The following CCDC7 variants were observed in gnomAD, a reference collection of about 807,000 sequenced individuals.
The protein encoded by CCDC7 is coiled-coil domain-containing protein 7.
A neutral mutation model predicts 196.9 loss-of-function variants in CCDC7; 183 were observed. That is an observed-to-expected ratio of 0.93 (90% CI 0.82 to 1.05). The LOEUF (loss-of-function observed/expected upper bound fraction) is 1.05, where lower values mean the gene tolerates loss of function less well. Ranked by LOEUF, CCDC7 falls within the 50% of genes least tolerant of loss-of-function variation. The pLI, the probability that CCDC7 is intolerant of heterozygous loss-of-function variation, is 0.00. For missense variants in CCDC7, 1,540 were observed against 1,482.2 expected, an observed-to-expected ratio of 1.04 and a Z score of -0.64; for synonymous variants, 525 against 484.6, an observed-to-expected ratio of 1.08 and a Z score of -1.10.
chr10:32,527,457 A>G (rs1311715525), intron 11 of CCDC7, among the ~76,000 whole-genome samples: 1 of 152,200 alleles, frequency 6.6e-6, no homozygotes, highest in African/African-American at 2.4e-5. Context: ...GTTCCAACAG[A>G]GGGGACGAAC....
intron 18 of CCDC7, among the ~76,000 whole-genome samples, chr10:32,616,967 ATACT>A (rs796654066): frequency 3.1e-5 from 4 of 131,094 alleles, no homozygotes; most frequent in Admixed American, 7.4e-5. Context: ...TATTGATTTG[ATACT>A]TATTATTGGT....
intron 18 of CCDC7, among the ~76,000 whole-genome samples, chr10:32,593,386 G>A (rs2059979222): frequency 6.6e-6 from 1 of 152,066 alleles, no homozygotes; most frequent in South Asian, 2.1e-4. Context: ...CTCACTTTTT[G>A]ATGGGTTTGT....
intron 30 of CCDC7, among the ~76,000 whole-genome samples, chr10:32,812,932 AC>A (rs1375103342): frequency 2.0e-5 from 3 of 152,142 alleles, no homozygotes; most frequent in Non-Finnish European, 2.9e-5. Context: ...TTATATTGTT[AC>A]TTGATTACTG....
intron 26 of CCDC7, among the ~76,000 whole-genome samples, chr10:32,728,293 A>G (rs1465795534): frequency 1.3e-5 from 2 of 152,114 alleles, no homozygotes; most frequent in Non-Finnish European, 1.5e-5. Flanking sequence ...TTATAATTTA[A>G]CCATGAGTCT....
chr10:32,796,827 T>C (rs2083640725), intron 29 of CCDC7, among the ~76,000 whole-genome samples: 1 of 152,196 alleles, frequency 6.6e-6, no homozygotes, highest in South Asian at 2.1e-4. Context: ...CCCAAATTTA[T>C]AAGTCGAAAA....
At chr10:32,611,447 G>A (rs1411183357) in intron 18 of CCDC7, among the ~76,000 whole-genome samples, 1 of 152,038 alleles carries the variant, frequency 6.6e-6, no homozygotes, top group Non-Finnish European at 1.5e-5. Context: ...TGTCAGTTTT[G>A]GCTTTTGTTG....
intron 9 of CCDC7, among the ~76,000 whole-genome samples, chr10:32,507,054 G>A (rs556664322): frequency 2.7e-4 from 41 of 152,114 alleles, no homozygotes; most frequent in South Asian, 8.3e-4. Flanking sequence ...GTGCAGTGGC[G>A]CGATCTCAGG....
chr10:32,446,602 C>G (rs1163225843), intron 1 of CCDC7: 1 of 152,224 alleles, frequency 6.6e-6, no homozygotes, highest in Non-Finnish European at 1.5e-5. Flanking sequence ...CTATTTTGTA[C>G]ACTTTATCAT....
chr10:32,812,247 A>T (rs976762877), intron 30 of CCDC7, among the ~76,000 whole-genome samples: 2 of 152,074 alleles, frequency 1.3e-5, no homozygotes, highest in African/African-American at 4.8e-5. Context: ...GAAAATGACA[A>T]GATATGATAA....
intron 9 of CCDC7, among the ~76,000 whole-genome samples, chr10:32,493,622 T>A (rs1202973957): frequency 6.6e-6 from 1 of 151,984 alleles, no homozygotes; most frequent in Non-Finnish European, 1.5e-5. Flanking sequence ...CATACTGTTT[T>A]CCATAAAGCT....
chr10:32,745,234 A>T (rs2074516074), intron 28 of CCDC7, among the ~76,000 whole-genome samples: 1 of 152,218 alleles, frequency 6.6e-6, no homozygotes, highest in Admixed American at 6.5e-5. Flanking sequence ...ATAATAAGTC[A>T]GTCATCTAAC....
chr10:32,587,434 C>G (rs574007375), intron 18 of CCDC7, among the ~76,000 whole-genome samples: 1 of 152,108 alleles, frequency 6.6e-6, no homozygotes, highest in Non-Finnish European at 1.5e-5. Flanking sequence ...AACTCGGGAG[C>G]CTACTTTGTG....
At chr10:32,649,517 C>T (rs2210742) in intron 20 of CCDC7, among the ~76,000 whole-genome samples, 2,027 of 152,200 alleles carry the variant, frequency 0.013, 54 homozygotes, top group African/African-American at 0.047. Flanking sequence ...TATCTTATAT[C>T]GTATCTGGCT....
chr10:32,817,346 C>G (rs952805769), intron 31 of CCDC7, among the ~76,000 whole-genome samples: 1 of 151,996 alleles, frequency 6.6e-6, no homozygotes. Flanking sequence ...ATGAAAAGAC[C>G]AAATCTACGT....
chr10:32,795,750 C>A (rs1316246770), intron 29 of CCDC7, among the ~76,000 whole-genome samples: 1 of 151,906 alleles, frequency 6.6e-6, no homozygotes, highest in Non-Finnish European at 1.5e-5. Flanking sequence ...AAATTTTTTT[C>A]ACTGCCTTAT....
intron 9 of CCDC7, among the ~76,000 whole-genome samples, chr10:32,497,864 A>T (rs1416303055): frequency 1.3e-5 from 2 of 152,198 alleles, no homozygotes; most frequent in African/African-American, 2.4e-5. Flanking sequence ...AAGAATGTAT[A>T]TTCTGTTGAT....
At chr10:32,824,071 G>C (rs2135687352) in intron 31 of CCDC7, among the ~76,000 whole-genome samples, 1 of 152,094 alleles carries the variant, frequency 6.6e-6, no homozygotes, top group East Asian at 1.9e-4. Context: ...ATTGTGTGCA[G>C]ATAGGTCAAC....
At chr10:32,834,404 G>T (rs1016153979) in intron 32 of CCDC7, among the ~76,000 whole-genome samples, 1 of 151,954 alleles carries the variant, frequency 6.6e-6, no homozygotes, top group Non-Finnish European at 1.5e-5. Context: ...CTGGTGTATG[G>T]ATATGCTTGT....
At chr10:32,674,046 T>C (rs2074510959) in intron 21 of CCDC7, among the ~76,000 whole-genome samples, 1 of 151,840 alleles carries the variant, frequency 6.6e-6, no homozygotes, top group Non-Finnish European at 1.5e-5. Flanking sequence ...TCTTTATCTT[T>C]TCAAAAACCG....
Sources: allele counts gnomAD v4.1 joint callset (sites outside exome capture counted in the v4.1 genomes callset), GRCh38; gene constraint gnomAD v4.1.1; transcripts MANE v1.5; gene names NCBI Gene and HGNC (gene_info 2026-07-23, HGNC 2026-07-21).